The following RNF111 variants were observed in gnomAD, a reference collection of about 807,000 sequenced individuals.
RNF111 encodes E3 ubiquitin-protein ligase Arkadia.
RNF111 carries 17 observed loss-of-function variants against 95.1 expected under a neutral mutation model. That is an observed-to-expected ratio of 0.18 (90% confidence interval 0.12 to 0.27). The LOEUF is 0.27. RNF111 is among the 10% of genes least tolerant of loss of function. RNF111 has a pLI of 1.00. For synonymous variants in RNF111, 440 were observed against 414.8 expected (o/e 1.06, Z -0.74); for missense variants, 1,189 against 1,210.4 (o/e 0.98, Z 0.26).
intron 1 of RNF111, among the ~76,000 whole-genome samples, chr15:59,028,945 A>C (rs1025413670): frequency 2.0e-5 from 3 of 152,020 alleles, no homozygotes; most frequent in African/African-American, 7.2e-5. Flanking sequence ...TATCCTGGCT[A>C]ATTTTTGTAT....
chr15:59,007,526 T>C (rs1232853285), intron 1 of RNF111, among the ~76,000 whole-genome samples: 1 of 152,200 alleles, frequency 6.6e-6, no homozygotes, highest in African/African-American at 2.4e-5. Flanking sequence ...CGATGAACAT[T>C]CATATACAAG....
In RNF111 at chr15:59,063,600, G is replaced by T. The variant is rs544908681; in HGVS notation, c.1367-3164G>T. 2.6e-5 allele frequency among the ~76,000 whole-genome samples: 4 copies of T among 152,248 alleles called. No homozygotes were observed. The South Asian group carries it at 8.3e-4, about 32-fold the overall frequency. On this transcript the variant is annotated intron_variant, in intron 5 of 13. Transcript: ENST00000348370. ...TGTATTTCACCTCTAATTTATGACA[G>T]TTTTATTTGGGTAGTAACTCTCGAA... is the stretch of plus-strand genomic sequence containing the variant.
chr15:59,041,961 A>ATTTTTTTTTTTTTTTTTT (rs79347638), intron 2 of RNF111, among the ~76,000 whole-genome samples: 1 of 100,104 alleles, frequency 1.0e-5, no homozygotes, highest in African/African-American at 4.0e-5. Flanking sequence ...GTCTGTTCAT[A>ATTTTTTTTTTTTTTTTTT]TTTTTTTTTT....
chr15:59,092,504 A>G (rs1186519286), intron 12 of RNF111, 33 bp from the exon 13 acceptor site: 10 of 1,596,500 alleles, frequency 6.3e-6, no homozygotes, highest in Admixed American at 5.2e-5. Context: ...TGTCATCTCT[A>G]CTAATAAGGT....
intron 2 of RNF111, among the ~76,000 whole-genome samples, chr15:59,044,688 T>C (rs1185777022): frequency 2.0e-5 from 3 of 152,218 alleles, no homozygotes; most frequent in Non-Finnish European, 4.4e-5. Context: ...TCGTTTTTTA[T>C]CCTTTAGTAT....
intron 2 of RNF111, among the ~76,000 whole-genome samples, chr15:59,044,630 A>G (rs8032299): frequency 0.023 from 3,473 of 152,242 alleles, 49 homozygotes; most frequent in African/African-American, 0.038. Context: ...TAAAAAAAAA[A>G]CAATTCGAAG....
At chr15:59,034,259 C>T (rs79063327) in intron 2 of RNF111, among the ~76,000 whole-genome samples, 2,964 of 152,240 alleles carry the variant, frequency 0.019, 102 homozygotes, top group African/African-American at 0.067. Context: ...CATTGAGCAA[C>T]ATTGTGCTTG....
At chr15:59,059,873 A>G (rs1328122699) in intron 5 of RNF111, among the ~76,000 whole-genome samples, 2 of 152,216 alleles carry the variant, frequency 1.3e-5, no homozygotes, top group East Asian at 3.8e-4. Context: ...CACCATTAAT[A>G]ATGAAACCAT....
chr15:58,990,770 A>T (rs1307578007), intron 1 of RNF111, among the ~76,000 whole-genome samples: 2 of 152,206 alleles, frequency 1.3e-5, no homozygotes, highest in East Asian at 3.8e-4. Context: ...TAAAAATGAA[A>T]TTTTTTATTA....
At position 59,095,973 on chromosome 15, in the gene RNF111, T is replaced by G; in HGVS notation, c.*1073T>G. On this transcript the variant is annotated 3_prime_UTR_variant, in exon 14 of 14. Coordinates refer to ENST00000348370, the MANE Select transcript of RNF111 (RefSeq NM_017610.8). ...CAGCTGAATCTACATGTCTCTTGTT[T>G]TATTTCTCTCTAAACTTGAAAACAG... 1 of 398,504 alleles carries G rather than the reference T, an allele frequency of 2.5e-6. No homozygotes were observed. The highest frequency in any genetic ancestry group is 4.4e-6 in the Non-Finnish European group (1 of 225,766). 24.7% of individuals were successfully genotyped at this position (398,504 alleles called of 1,614,324 possible). A position where few individuals can be genotyped will look rare whatever the true frequency, so the allele number is the denominator to read the frequency against.
intron 8 of RNF111, among the ~76,000 whole-genome samples, chr15:59,083,773 T>C (rs2140190376): frequency 6.6e-6 from 1 of 152,250 alleles, no homozygotes; most frequent in South Asian, 2.1e-4. Flanking sequence ...AACATTTGCC[T>C]GGGGTATTTA....
At chr15:59,079,621 A>G (rs570330732) in intron 7 of RNF111, among the ~76,000 whole-genome samples, 6 of 152,094 alleles carry the variant, frequency 3.9e-5, no homozygotes, top group African/African-American at 9.6e-5. Flanking sequence ...ACATCTTCCA[A>G]TAAAATGAAA....
At chr15:59,048,184 A>G (rs1566908970) in intron 2 of RNF111, among the ~76,000 whole-genome samples, 1 of 152,252 alleles carries the variant, frequency 6.6e-6, no homozygotes, top group Non-Finnish European at 1.5e-5. Flanking sequence ...TATTTGTAAT[A>G]TGCAAAAACT....
At chr15:59,050,820 A>G (rs1249918623) in intron 2 of RNF111, among the ~76,000 whole-genome samples, 2 of 152,220 alleles carry the variant, frequency 1.3e-5, no homozygotes, top group Non-Finnish European at 2.9e-5. Context: ...TTTTAAACAT[A>G]CAATACGTTA....
At chr15:59,080,367 C>G (rs113083442) in intron 7 of RNF111, among the ~76,000 whole-genome samples, 7,697 of 152,198 alleles carry the variant, frequency 0.051, 215 homozygotes, top group Middle Eastern at 0.095. Flanking sequence ...GTGACTCTGC[C>G]CACCTTGGCC....
chr15:59,025,888 G>T (rs964708053), intron 1 of RNF111, among the ~76,000 whole-genome samples: 4 of 152,004 alleles, frequency 2.6e-5, no homozygotes, highest in Non-Finnish European at 5.9e-5. Context: ...GTGCCACCAC[G>T]CCTGGCTAAC....
At chr15:59,022,533 A>G (rs1313424496) in intron 1 of RNF111, among the ~76,000 whole-genome samples, 1 of 152,204 alleles carries the variant, frequency 6.6e-6, no homozygotes. Context: ...CCAGACCAAC[A>G]TGGAATGGAG....
rs148194852 is a variant in RNF111, at chr15:59,076,057, C to T, written c.1790C>T (p.Ser597Phe). 235 of 1,614,102 alleles carry T rather than the reference C, an allele frequency of 1.5e-4. No homozygotes were observed. Among genetic ancestry groups the T allele is most frequent in the Non-Finnish European group, 1.9e-4 (228 of 1,180,052 alleles). The change falls in exon 7 of 14, where the codon TCC (serine) becomes TTC (phenylalanine). Residue 597 changes from serine to phenylalanine, a missense_variant. Physicochemically the swap from Ser to Phe is radical, Grantham distance 155 (BLOSUM62 -2). Coordinates refer to ENST00000348370, the MANE Select transcript of RNF111 (RefSeq NM_017610.8). ...GACCCCTGCTGCCCTGTTTCTTCCT[C>T]CCGAGCTGCAATCTTTGGCCATCAG... The part of the protein sequence containing the change: ...AFDPCCPVSS[S>F]RAAIFGHQAA...
chr15:59,069,341 T>A (rs1202853750), intron 6 of RNF111, among the ~76,000 whole-genome samples: 5 of 152,224 alleles, frequency 3.3e-5, no homozygotes, highest in African/African-American at 2.4e-5. Flanking sequence ...GGTTACATGA[T>A]GCTTCATAAA....
Sources: allele counts gnomAD v4.1 joint callset (sites outside exome capture counted in the v4.1 genomes callset), GRCh38; gene constraint gnomAD v4.1.1; transcripts MANE v1.5; gene names NCBI Gene and HGNC (gene_info 2026-07-23, HGNC 2026-07-21).